SHB: variants seen among roughly 807,000 people sequenced by gnomAD.
The protein encoded by SHB is SH2 domain-containing adapter protein B.
Under a neutral mutation model 52.3 loss-of-function variants are expected in SHB, and 20 were observed. The observed-to-expected ratio is 0.38, with a 90% confidence interval of 0.27 to 0.56. SHB has a LOEUF of 0.56. SHB is among the 20% of genes least tolerant of loss of function. The probability of loss-of-function intolerance (pLI) is 0.71; values close to 1 mark genes in which losing one functional copy is unlikely to be tolerated. For synonymous variants in SHB, 397 were observed against 316.5 expected, an observed-to-expected ratio of 1.25 and a Z score of -2.70; for missense variants, 825 against 723.3, an observed-to-expected ratio of 1.14 and a Z score of -1.61.
intron 3 of SHB, among the ~76,000 whole-genome samples, chr9:37,956,405 A>G (rs555847427): frequency 1.4e-3 from 210 of 152,248 alleles, no homozygotes; most frequent in Non-Finnish European, 2.4e-3. Flanking sequence ...TCTCAGGGGA[A>G]AAAGCTGTTT....
rs561267252 is a variant in SHB at position 38,016,750 on chromosome 9, G to A, written c.718-619C>T. Reference sequence around the variant, plus strand: ...AAGGATCGACAGACAGCCAGGGCCAGTAAGGACCTGAAAGCAACAAACCCA... The same window carrying A: ...AAGGATCGACAGACAGCCAGGGCCAATAAGGACCTGAAAGCAACAAACCCA... On this transcript the variant is annotated intron_variant, in intron 1 of 5. Coordinates refer to ENST00000377707, the MANE Select transcript of SHB (RefSeq NM_003028.3). 6.6e-5 allele frequency among the ~76,000 whole-genome samples: 10 copies of A among 152,334 alleles called. No individual in the cohort carries two copies. The South Asian group carries it at 2.1e-3, about 32-fold the overall frequency.
chr9:38,067,646 G>A (rs966561588), intron 1 of SHB, among the ~76,000 whole-genome samples: 1 of 152,216 alleles, frequency 6.6e-6, no homozygotes, highest in African/African-American at 2.4e-5. Flanking sequence ...TTGGCAGCCA[G>A]AAGGACTGAC....
At chr9:37,949,412 A>C (rs7863948) in intron 4 of SHB, among the ~76,000 whole-genome samples, 17,048 of 148,096 alleles carry the variant, frequency 0.12, 976 homozygotes, top group African/African-American at 0.14. Context: ...AAAAAAAAAG[A>C]AAAAGAAAAA....
intron 4 of SHB, among the ~76,000 whole-genome samples, chr9:37,949,026 A>T (rs982113744): frequency 6.6e-6 from 1 of 152,196 alleles, no homozygotes; most frequent in Non-Finnish European, 1.5e-5. Flanking sequence ...CAGTGTGAGG[A>T]CAGGCATCAT....
chr9:38,059,722 G>A (rs1258849812), intron 1 of SHB, among the ~76,000 whole-genome samples: 1 of 152,084 alleles, frequency 6.6e-6, no homozygotes, highest in Non-Finnish European at 1.5e-5. Flanking sequence ...TCCAGATTCG[G>A]CCACGCCACC....
At chr9:37,973,997 G>A (rs929254384) in intron 3 of SHB, among the ~76,000 whole-genome samples, 5 of 152,238 alleles carry the variant, frequency 3.3e-5, no homozygotes, top group Non-Finnish European at 7.3e-5. Context: ...GCTCACGCCT[G>A]TAATCCCAGC....
chr9:38,045,654 C>G (rs1156302277), intron 1 of SHB, among the ~76,000 whole-genome samples: 1 of 152,108 alleles, frequency 6.6e-6, no homozygotes, highest in Non-Finnish European at 1.5e-5. Context: ...GACAACATAT[C>G]AATTTCCTAC....
intron 1 of SHB, among the ~76,000 whole-genome samples, chr9:38,026,987 C>T (rs1388381021): frequency 1.3e-5 from 2 of 152,224 alleles, no homozygotes; most frequent in Non-Finnish European, 2.9e-5. Context: ...TTCACCTCCC[C>T]AAGGCAGGCT....
At chr9:38,043,137 T>C (rs1279888786) in intron 1 of SHB, among the ~76,000 whole-genome samples, 1 of 152,194 alleles carries the variant, frequency 6.6e-6, no homozygotes, top group Non-Finnish European at 1.5e-5. Flanking sequence ...CCAAGTAGCC[T>C]GCCCAGATTA....
chr9:38,018,545 A>T (rs1027162957), intron 1 of SHB, among the ~76,000 whole-genome samples: 3 of 152,202 alleles, frequency 2.0e-5, no homozygotes, highest in African/African-American at 7.2e-5. Context: ...TAGTTTAAGA[A>T]GCAAATTGGA....
At chr9:37,967,898 G>A (rs544411381) in intron 3 of SHB, among the ~76,000 whole-genome samples, 1 of 152,336 alleles carries the variant, frequency 6.6e-6, no homozygotes, top group African/African-American at 2.4e-5. Flanking sequence ...TCCCACCCAG[G>A]GGACCAGTGG....
intron 1 of SHB, among the ~76,000 whole-genome samples, chr9:38,059,669 G>C (rs1384932576): frequency 1.3e-5 from 2 of 152,170 alleles, no homozygotes; most frequent in Non-Finnish European, 2.9e-5. Context: ...TCAAAACACG[G>C]GAAGAAGCGG....
intron 5 of SHB, among the ~76,000 whole-genome samples, chr9:37,939,912 G>A (rs1185339985): frequency 1.3e-5 from 2 of 152,200 alleles, no homozygotes; most frequent in Non-Finnish European, 2.9e-5. Flanking sequence ...ATGCTGACCC[G>A]TATCACCTCA....
intron 1 of SHB, among the ~76,000 whole-genome samples, chr9:38,035,154 G>A (rs896174077): frequency 3.9e-5 from 6 of 152,016 alleles, no homozygotes; most frequent in African/African-American, 7.3e-5. Flanking sequence ...GTCAACCCCT[G>A]GCACAGGATG....
intron 2 of SHB, among the ~76,000 whole-genome samples, chr9:37,980,425 C>T (rs1820710664): frequency 6.6e-6 from 1 of 152,214 alleles, no homozygotes; most frequent in Non-Finnish European, 1.5e-5. Flanking sequence ...TCATAAGATT[C>T]CTGCAATTCA....
At chr9:37,988,104 C>A (rs1192884085) in intron 2 of SHB, among the ~76,000 whole-genome samples, 1 of 152,224 alleles carries the variant, frequency 6.6e-6, no homozygotes, top group Non-Finnish European at 1.5e-5. Context: ...GCTGCCCCTG[C>A]GGAAGCAACT....
intron 1 of SHB, among the ~76,000 whole-genome samples, chr9:38,042,957 C>T (rs938905884): frequency 6.6e-6 from 1 of 152,142 alleles, no homozygotes; most frequent in African/African-American, 2.4e-5. Context: ...TCTGCCAGAC[C>T]GCCCACAACC....
intron 5 of SHB, among the ~76,000 whole-genome samples, chr9:37,946,029 T>C (rs1219698144): frequency 1.3e-5 from 2 of 152,088 alleles, no homozygotes; most frequent in Non-Finnish European, 2.9e-5. Flanking sequence ...GGCAGGGTTA[T>C]GGGAATCACA....
Position 37,982,596 on chromosome 9 carries a change from T to C in SHB, c.839-7759A>G, listed in dbSNP as rs189783394. 4.9e-3 allele frequency among the ~76,000 whole-genome samples: 731 copies of C among 150,150 alleles called. 7 individuals carry two copies. Among genetic ancestry groups the C allele is most frequent in the African/African-American group, 0.017 (706 of 40,712 alleles). Reference sequence around the variant, plus strand: ...TCATGAGTTCAGGAGATTGAAACTATCCTGGCTAACATGGTGAAACCCCGT... The same window carrying C: ...TCATGAGTTCAGGAGATTGAAACTACCCTGGCTAACATGGTGAAACCCCGT... On this transcript the variant is annotated intron_variant, in intron 2 of 5. Transcript: ENST00000377707.
Sources: gnomAD v4.1 joint callset for allele counts (sites outside exome capture counted in the v4.1 genomes callset) on GRCh38, gnomAD v4.1.1 for gene constraint, MANE v1.5 for transcripts, NCBI Gene and HGNC (gene_info 2026-07-23, HGNC 2026-07-21) for gene names.